Variants in TUSC3 observed in about 807,000 individuals in gnomAD.
The protein encoded by TUSC3 is dolichyl-diphosphooligosaccharide--protein glycosyltransferase subunit TUSC3.
TUSC3 carries 45 observed loss-of-function variants against 44.8 expected under a neutral mutation model. The ratio of observed to expected loss-of-function variants is 1.00; its 90% CI spans 0.79 to 1.29. The LOEUF (loss-of-function observed/expected upper bound fraction) is 1.29. Ranked by LOEUF, TUSC3 falls within the 50% of genes most tolerant of loss-of-function variation. The pLI is 0.00. For missense variants in TUSC3, 519 were observed against 437.9 expected (o/e 1.19, Z -1.65); for synonymous variants, 212 against 152.9 (o/e 1.39, Z -2.85).
At chr8:15,496,667 A>T (rs1289845566) in intron 2 of TUSC3, among the ~76,000 whole-genome samples, 1 of 152,178 alleles carries the variant, frequency 6.6e-6, no homozygotes, top group African/African-American at 2.4e-5. Flanking sequence ...ACAGACCCTG[A>T]GAAACGCATA....
chr8:15,485,476 G>GT (rs910884691), intron 2 of TUSC3, among the ~76,000 whole-genome samples: 8 of 142,676 alleles, frequency 5.6e-5, no homozygotes, highest in Middle Eastern at 7.3e-3. Context: ...TTTTTTTTTT[G>GT]TTTTTTGTGA....
At chr8:15,632,005 C>A (rs949268797) in intron 2 of TUSC3, among the ~76,000 whole-genome samples, 2 of 152,090 alleles carry the variant, frequency 1.3e-5, no homozygotes, top group South Asian at 2.1e-4. Flanking sequence ...CCGTACCCGG[C>A]CAAGGCTATT....
chr8:15,747,220 A>T (rs1298036363), intron 8 of TUSC3, among the ~76,000 whole-genome samples: 2 of 152,096 alleles, frequency 1.3e-5, no homozygotes, highest in African/African-American at 4.8e-5. Flanking sequence ...AAAAAATTTT[A>T]AAAATCATAG....
chr8:15,771,336 A>T (rs563389936), downstream of TUSC3, among the ~76,000 whole-genome samples: 1 of 152,304 alleles, frequency 6.6e-6, no homozygotes, highest in African/African-American at 2.4e-5. Context: ...CAAAAATAAG[A>T]AAGCTGATTC....
chr8:15,516,106 T>C (rs57603725), intron 2 of TUSC3, among the ~76,000 whole-genome samples: 1 of 152,232 alleles, frequency 6.6e-6, no homozygotes, highest in Non-Finnish European at 1.5e-5. Flanking sequence ...TCTAGATTTT[T>C]ATAGTTACTC....
At chr8:15,457,243 C>G (rs772548241) in intron 1 of TUSC3, among the ~76,000 whole-genome samples, 9 of 151,648 alleles carry the variant, frequency 5.9e-5, no homozygotes, top group East Asian at 3.9e-4. Context: ...GTGCAGCACA[C>G]CAACATGGCA....
At chr8:15,563,850 G>A (rs533279877) in intron 1 of TUSC3, among the ~76,000 whole-genome samples, 18 of 151,954 alleles carry the variant, frequency 1.2e-4, no homozygotes, top group South Asian at 2.1e-4. Flanking sequence ...AGTAATTCAC[G>A]TATCTTGTAG....
intron 7 of TUSC3, among the ~76,000 whole-genome samples, chr8:15,732,032 A>G (rs1810745084): frequency 6.6e-6 from 1 of 152,194 alleles, no homozygotes; most frequent in Admixed American, 6.5e-5. Context: ...TACTGACCAC[A>G]CGGGATTTCT....
intron 1 of TUSC3, among the ~76,000 whole-genome samples, chr8:15,573,270 T>C (rs927399701): frequency 6.9e-6 from 1 of 144,642 alleles, no homozygotes; most frequent in African/African-American, 2.6e-5. Context: ...AAGTCACTCC[T>C]GGGAGGCCTA....
chr8:15,619,010 A>G (rs918787259), intron 1 of TUSC3, among the ~76,000 whole-genome samples: 1 of 152,196 alleles, frequency 6.6e-6, no homozygotes, highest in East Asian at 1.9e-4. Flanking sequence ...TGGCTCTACC[A>G]CTAGTCACAA....
chr8:15,754,383 A>G lies in TUSC3; in HGVS notation c.1029-3408A>G, dbSNP rs543456942. Among the ~76,000 whole-genome samples the G allele has an allele frequency of 3.7e-4, 56 of 152,214 alleles. 1 individual carries two copies. The highest frequency in any genetic ancestry group is 2.3e-3 in the South Asian group (11 of 4,828). On this transcript the variant is annotated intron_variant, in intron 9 of 10. Transcript: ENST00000503731. ...AGAGGAGAAAAATAGTTTCTCAACC[A>G]AGACTCTATCCTTGACTTCCCCAAT...
chr8:15,776,532 G>A, the TUSC3 span, among the ~76,000 whole-genome samples: 1 of 151,974 alleles, frequency 6.6e-6, no homozygotes, highest in African/African-American at 2.4e-5. Flanking sequence ...ATTCATATTG[G>A]TAAGTTTCAG....
chr8:15,532,404 A>T (rs1370014022), intron 2 of TUSC3, among the ~76,000 whole-genome samples: 1 of 152,154 alleles, frequency 6.6e-6, no homozygotes, highest in East Asian at 1.9e-4. Context: ...GGCAAGTCTC[A>T]ATCATTTTAG....
chr8:15,647,230 A>C (rs1563152166), intron 2 of TUSC3, among the ~76,000 whole-genome samples: 1 of 152,168 alleles, frequency 6.6e-6, no homozygotes, highest in Non-Finnish European at 1.5e-5. Flanking sequence ...TCAATGGCAA[A>C]GTAGTAGGTT....
chr8:15,841,012 A>G, the TUSC3 span, among the ~76,000 whole-genome samples: 1 of 152,154 alleles, frequency 6.6e-6, no homozygotes, highest in Non-Finnish European at 1.5e-5. Flanking sequence ...TCCGTTATTA[A>G]TGGGACTAGG....
At chr8:15,429,184 A>T (rs1281160392) in intron 1 of TUSC3, among the ~76,000 whole-genome samples, 1 of 152,200 alleles carries the variant, frequency 6.6e-6, no homozygotes, top group Non-Finnish European at 1.5e-5. Context: ...AGCTTTCTAC[A>T]TATGGCTAGC....
At position 15,709,387 on chromosome 8, in the gene TUSC3, T is replaced by G. The variant is rs142953006; in HGVS notation, c.799-21279T>G. Among the ~76,000 whole-genome samples, 688 of 151,992 alleles carry G rather than the reference T, an allele frequency of 4.5e-3. 5 individuals are homozygous for G. Among genetic ancestry groups the G allele is most frequent in the Non-Finnish European group, 7.9e-3 (535 of 67,834 alleles). On this transcript the variant is annotated intron_variant, in intron 6 of 10. Coordinates refer to ENST00000503731, the MANE Select transcript of TUSC3 (RefSeq NM_006765.4). ...TAAGTCCTGTTAGAGAAATTAGATT[T>G]TGTATATTTTGACTACACGTATTTC...
At chr8:15,824,961 A>G in the TUSC3 span, among the ~76,000 whole-genome samples, 3 of 152,286 alleles carry the variant, frequency 2.0e-5, no homozygotes, top group African/African-American at 7.2e-5. Flanking sequence ...TTGACTCTCT[A>G]TATAAACTAG....
chr8:15,831,031 C>A, the TUSC3 span, among the ~76,000 whole-genome samples: 3 of 152,076 alleles, frequency 2.0e-5, no homozygotes, highest in African/African-American at 7.2e-5. Flanking sequence ...AAATGCTTTG[C>A]TGTCACCACC....
Sources: allele counts gnomAD v4.1 joint callset (sites outside exome capture counted in the v4.1 genomes callset), GRCh38; gene constraint gnomAD v4.1.1; transcripts MANE v1.5; gene names NCBI Gene and HGNC (gene_info 2026-07-23, HGNC 2026-07-21).